The following BCKDHA variants were observed in gnomAD, a reference collection of about 807,000 sequenced individuals.
The protein encoded by BCKDHA is 2-oxoisovalerate dehydrogenase subunit alpha, mitochondrial.
Under a neutral mutation model 52.2 loss-of-function variants are expected in BCKDHA, and 43 were observed. That is an observed-to-expected ratio of 0.82 (90% CI 0.64 to 1.06). The LOEUF is 1.06. BCKDHA is among the 50% of genes least tolerant of loss of function. BCKDHA has a pLI of 0.00. For synonymous variants in BCKDHA, 234 were observed against 247.9 expected, an observed-to-expected ratio of 0.94 and a Z score of 0.53; for missense variants, 527 against 621.3, an observed-to-expected ratio of 0.85 and a Z score of 1.61.
intron 1 of BCKDHA, among the ~76,000 whole-genome samples, chr19:41,408,773 A>G (rs1403322102): frequency 6.6e-6 from 1 of 151,888 alleles, no homozygotes; most frequent in African/African-American, 2.4e-5. Context: ...GTATGTTACC[A>G]TGCTTGAGTA....
chr19:41,411,534 GGGAAGGC>G (rs2039253768), intron 3 of BCKDHA, among the ~76,000 whole-genome samples: 1 of 152,140 alleles, frequency 6.6e-6, no homozygotes, highest in African/African-American at 2.4e-5. Context: ...AGGAAGTAGA[GGGAAGGC>G]GGAAGGCCAG....
intron 8 of BCKDHA, among the ~76,000 whole-genome samples, chr19:41,423,882 A>C (rs987927979): frequency 2.6e-5 from 4 of 151,294 alleles, no homozygotes; most frequent in Admixed American, 6.6e-5. Flanking sequence ...AGTCCCAGCT[A>C]CTCAGGAAGG....
chr19:41,411,041 T>C (rs2039248369), intron 3 of BCKDHA, 32 bp downstream of exon 3: 19 of 1,607,484 alleles, frequency 1.2e-5, no homozygotes, highest in Non-Finnish European at 1.5e-5. Flanking sequence ...GGCGGGGGGC[T>C]GGAATTACCT....
chr19:41,424,100 C>G (rs1056951388), intron 8 of BCKDHA, among the ~76,000 whole-genome samples: 1 of 152,154 alleles, frequency 6.6e-6, no homozygotes, highest in Non-Finnish European at 1.5e-5. Context: ...CATTAGGACC[C>G]AGGGCCCGTG....
At chr19:41,404,540 C>T (rs2039172749) in intron 1 of BCKDHA, among the ~76,000 whole-genome samples, 1 of 151,948 alleles carries the variant, frequency 6.6e-6, no homozygotes, top group Non-Finnish European at 1.5e-5. Context: ...CCGCCCGCCT[C>T]GGTCTCCCAA....
chr19:41,410,947 C>T lies in BCKDHA; in HGVS notation c.313C>T (p.Leu105Phe), dbSNP rs777920549. The change falls in exon 3 of 9, where the codon CTC (leucine) becomes TTC (phenylalanine). Residue 105 changes from leucine (L) to phenylalanine (F), a missense_variant. Transcript: ENST00000269980. ...PHLPKEKVLKLYKSMTLLNTM... is the reference protein window; with the variant it reads ...PHLPKEKVLKFYKSMTLLNTM... ...GCTGCCGAAGGAGAAGGTGCTGAAG[C>T]TCTACAAGAGCATGACACTGCTTAA... 1 of 1,614,190 alleles carries T rather than the reference C, an allele frequency of 6.2e-7. No individual in the cohort carries two copies. Among genetic ancestry groups the T allele is most frequent in the South Asian group, 1.1e-5 (1 of 91,082 alleles).
chr19:41,422,157 C>G lies in BCKDHA; in HGVS notation c.647-7C>G. On this transcript the variant is annotated splice_region_variant and splice_polypyrimidine_tract_variant and intron_variant, in intron 5 of 8. Coordinates refer to ENST00000269980, the MANE Select transcript of BCKDHA (RefSeq NM_000709.4). ...GCCCCTGCTCACCACCCTCTCATCC[C>G]CTGCAGCGGTGGGGGCGGCGTACGC... is the stretch of plus-strand genomic sequence containing the variant. 6.2e-7 allele frequency: 1 copy of G among 1,612,610 alleles called. No homozygotes were observed. Among genetic ancestry groups the G allele is most frequent in the East Asian group, 2.2e-5 (1 of 44,814 alleles).
Position 41,422,330 on chromosome 19 carries a change from C to A in BCKDHA, c.813C>A (p.Ile271=). Residue 271 remains isoleucine (I), a synonymous_variant, in exon 6 of 9, where the codon ATC becomes ATA. Coordinates refer to ENST00000269980, the MANE Select transcript of BCKDHA (RefSeq NM_000709.4). ...TCTGCCGGAACAATGGCTACGCCATCTCCACGCCCACCTCTGAGCAGTATC... is the reference window on the plus strand; with the variant it reads ...TCTGCCGGAACAATGGCTACGCCATATCCACGCCCACCTCTGAGCAGTATC... The part of the protein sequence containing the change: ...IFFCRNNGYA[I]STPTSEQYRG... 1 of 1,614,232 alleles carries A rather than the reference C, an allele frequency of 6.2e-7. No individual in the cohort carries two copies. The highest frequency in any genetic ancestry group is 8.5e-7 in the Non-Finnish European group (1 of 1,180,030).
chr19:41,404,779 A>C (rs2039175566), intron 1 of BCKDHA, among the ~76,000 whole-genome samples: 1 of 152,038 alleles, frequency 6.6e-6, no homozygotes, highest in Non-Finnish European at 1.5e-5. Context: ...TTTTTAGTAG[A>C]GATGGGGTTT....
At chr19:41,401,035 TG>T (rs2039133375) in intron 1 of BCKDHA, among the ~76,000 whole-genome samples, 2 of 151,892 alleles carry the variant, frequency 1.3e-5, no homozygotes, top group Non-Finnish European at 2.9e-5. Flanking sequence ...CACAAGTGGT[TG>T]GTGGCTGCCA....
intron 3 of BCKDHA, among the ~76,000 whole-genome samples, chr19:41,413,831 T>G (rs1280745789): frequency 6.6e-6 from 1 of 152,172 alleles, no homozygotes; most frequent in African/African-American, 2.4e-5. Flanking sequence ...GGTGCTTCCT[T>G]TGGGCTTCTA....
At chr19:41,407,213 A>C (rs1206596398) in intron 1 of BCKDHA, among the ~76,000 whole-genome samples, 1 of 152,278 alleles carries the variant, frequency 6.6e-6, no homozygotes, top group Non-Finnish European at 1.5e-5. Context: ...CCCTGGTGTG[A>C]GTTAACTTAG....
At chr19:41,414,351 T>TGTA (rs2039287356) in intron 4 of BCKDHA, among the ~76,000 whole-genome samples, 194 bp downstream of exon 4, 1 of 152,108 alleles carries the variant, frequency 6.6e-6, no homozygotes, top group African/African-American at 2.4e-5. Context: ...GGCCAGAAAG[T>TGTA]GTAGTGGCTC....
chr19:41,406,077 G>C (rs2039189648), intron 1 of BCKDHA, among the ~76,000 whole-genome samples: 1 of 152,158 alleles, frequency 6.6e-6, no homozygotes, highest in Non-Finnish European at 1.5e-5. Flanking sequence ...GCACAGCGTG[G>C]AGCCCTTTGC....
At position 41,424,696 on chromosome 19, in the gene BCKDHA, A is replaced by G; in HGVS notation, c.*88A>G. 7.1e-7 allele frequency: 1 copy of G among 1,410,958 alleles called. No individual in the cohort carries two copies. Among genetic ancestry groups the G allele is most frequent in the Non-Finnish European group, 9.6e-7 (1 of 1,040,000 alleles). The allele number at this position is 1,410,958 out of a possible 1,614,324, so 87.4% of individuals were successfully genotyped here. A position where few individuals can be genotyped will look rare whatever the true frequency, so the allele number is the denominator to read the frequency against. ...GAGCAGGGGGACCTGACAGCACACC[A>G]CTGTCTTCCCCAGTCAGCTCCCTCT... On this transcript the variant is annotated 3_prime_UTR_variant, in exon 9 of 9. Coordinates refer to ENST00000269980, the MANE Select transcript of BCKDHA (RefSeq NM_000709.4).
intron 5 of BCKDHA, among the ~76,000 whole-genome samples, chr19:41,419,669 C>T (rs1303920282): frequency 6.8e-6 from 1 of 148,102 alleles, no homozygotes; most frequent in Admixed American, 6.8e-5. Flanking sequence ...CTCAAACTCC[C>T]GGCCTCAGGT....
chr19:41,398,220 C>G (rs2039098258), intron 1 of BCKDHA, among the ~76,000 whole-genome samples: 1 of 152,088 alleles, frequency 6.6e-6, no homozygotes, highest in South Asian at 2.1e-4. Flanking sequence ...TTAGCTGCCA[C>G]TGGTATTCAG....
At position 41,424,928 on chromosome 19, in the gene BCKDHA, G is replaced by C. The variant is rs2039412185; in HGVS notation, c.*320G>C. On this transcript the variant is annotated 3_prime_UTR_variant, in exon 9 of 9. Coordinates refer to ENST00000269980, the MANE Select transcript of BCKDHA (RefSeq NM_000709.4). The stretch of plus-strand genomic sequence containing the variant: ...GGCATGGGGTGGACATGGCAGGTCA[G>C]CCTGTGGAACTTGCGCAGGTGCGAG... 3.3e-6 allele frequency: 1 copy of C among 299,328 alleles called. No homozygotes were observed. Among genetic ancestry groups the C allele is most frequent in the African/African-American group, 2.2e-5 (1 of 46,422 alleles). The allele number at this position is 299,328 out of a possible 1,614,324, so 18.5% of individuals were successfully genotyped here.
chr19:41,423,854 G>A (rs1266560771), intron 8 of BCKDHA, among the ~76,000 whole-genome samples: 4 of 151,108 alleles, frequency 2.6e-5, no homozygotes, highest in East Asian at 1.9e-4. Flanking sequence ...TTAGCCAGGC[G>A]TGGTGGTGCG....
Sources: gnomAD v4.1 joint callset for allele counts (sites outside exome capture counted in the v4.1 genomes callset) on GRCh38, gnomAD v4.1.1 for gene constraint, MANE v1.5 for transcripts, NCBI Gene and HGNC (gene_info 2026-07-23, HGNC 2026-07-21) for gene names.